The following MYRIP variants were observed in gnomAD, a reference collection of about 807,000 sequenced individuals.
The protein encoded by MYRIP is rab effector MyRIP.
A neutral mutation model predicts 98.0 loss-of-function variants in MYRIP; 49 were observed. The observed-to-expected ratio is 0.50, with a 90% CI of 0.40 to 0.63. The LOEUF (loss-of-function observed/expected upper bound fraction) is 0.63, where lower values mean the gene tolerates loss of function less well. MYRIP is among the 30% of genes least tolerant of loss of function. The pLI is 0.00. For missense variants in MYRIP, 1,004 were observed against 1,058.2 expected (o/e 0.95, Z 0.71); for synonymous variants, 404 against 409.5 (o/e 0.99, Z 0.16).
intron 2 of MYRIP, among the ~76,000 whole-genome samples, chr3:39,916,657 C>G (rs1330082233): frequency 3.9e-5 from 6 of 152,012 alleles, no homozygotes; most frequent in Non-Finnish European, 8.8e-5. Context: ...CCAAAGCATA[C>G]CATTTCAAAC....
At chr3:40,161,777 A>G (rs986298885) in intron 4 of MYRIP, among the ~76,000 whole-genome samples, 6 of 151,888 alleles carry the variant, frequency 4.0e-5, no homozygotes, top group African/African-American at 1.5e-4. Flanking sequence ...TCCTCACTCT[A>G]CACTCACCTC....
At chr3:40,240,361 T>C (rs1452563415) in intron 12 of MYRIP, among the ~76,000 whole-genome samples, 1 of 152,222 alleles carries the variant, frequency 6.6e-6, no homozygotes, top group Non-Finnish European at 1.5e-5. Context: ...GGGTGATTTC[T>C]GCATTTCCGT....
At chr3:40,211,314 A>G (rs986333362) in intron 11 of MYRIP, among the ~76,000 whole-genome samples, 1 of 152,218 alleles carries the variant, frequency 6.6e-6, no homozygotes, top group Admixed American at 6.5e-5. Flanking sequence ...ATGCACATGC[A>G]TGAGTGAAGG....
intron 3 of MYRIP, among the ~76,000 whole-genome samples, chr3:40,048,533 C>T (rs545621438): frequency 6.6e-6 from 1 of 151,998 alleles, no homozygotes; most frequent in Non-Finnish European, 1.5e-5. Flanking sequence ...ATGAGAGAGT[C>T]GGATTAGAAA....
intron 1 of MYRIP, among the ~76,000 whole-genome samples, chr3:39,850,423 A>T (rs183860799): frequency 2.6e-5 from 4 of 152,350 alleles, no homozygotes; most frequent in Admixed American, 6.5e-5. Flanking sequence ...ACCATTTGTG[A>T]CTAGGAGAAC....
intron 12 of MYRIP, 112 bp from the exon 13 acceptor site, chr3:40,244,334 C>G: frequency 1.2e-6 from 1 of 861,974 alleles, no homozygotes; most frequent in South Asian, 2.5e-5. Context: ...ATCCCCCCTG[C>G]AATGTGAAGT....
intron 1 of MYRIP, among the ~76,000 whole-genome samples, chr3:39,827,878 G>GT (rs138698516): frequency 0.29 from 44,540 of 151,034 alleles, 6,751 homozygotes; most frequent in South Asian, 0.36. Flanking sequence ...TTGATTGGCA[G>GT]TTTTTTTTTC....
At chr3:39,823,557 A>T (rs1307845754) in intron 1 of MYRIP, among the ~76,000 whole-genome samples, 3 of 152,210 alleles carry the variant, frequency 2.0e-5, no homozygotes, top group Admixed American at 6.5e-5. Context: ...TAACTGGGGT[A>T]AGATGAAGAC....
intron 11 of MYRIP, among the ~76,000 whole-genome samples, chr3:40,218,612 T>TTTATATATA (rs1337574787): frequency 8.1e-4 from 11 of 13,552 alleles, no homozygotes; most frequent in East Asian, 0.011. Flanking sequence ...TATATATATT[T>TTTATATATA]TATATATATA....
intron 2 of MYRIP, among the ~76,000 whole-genome samples, chr3:39,906,303 G>T (rs1001293860): frequency 2.0e-5 from 3 of 152,040 alleles, no homozygotes; most frequent in African/African-American, 7.2e-5. Flanking sequence ...CATGATATGG[G>T]CTGTGTTCTT....
At chr3:39,875,143 T>G (rs1274538523) in intron 1 of MYRIP, among the ~76,000 whole-genome samples, 1 of 152,218 alleles carries the variant, frequency 6.6e-6, no homozygotes, top group South Asian at 2.1e-4. Flanking sequence ...GTGTTTGTAG[T>G]ATTCTCTGAT....
At chr3:40,209,011 C>T (rs932655424) in intron 10 of MYRIP, 2 of 152,274 alleles carry the variant, frequency 1.3e-5, no homozygotes, top group African/African-American at 4.8e-5. Context: ...TTGGGCTGCG[C>T]ATGGTGGCAT....
intron 2 of MYRIP, among the ~76,000 whole-genome samples, chr3:40,005,196 G>C (rs1053379747): frequency 5.3e-5 from 8 of 152,194 alleles, no homozygotes; most frequent in African/African-American, 1.9e-4. Context: ...TGGGCACCTA[G>C]ATTGATTGCT....
At chr3:40,118,602 C>CT (rs1011791936) in intron 3 of MYRIP, among the ~76,000 whole-genome samples, 8 of 143,928 alleles carry the variant, frequency 5.6e-5, no homozygotes, top group East Asian at 2.0e-4. Flanking sequence ...TTTTTCTTTT[C>CT]TTTTTTTTTA....
intron 1 of MYRIP, among the ~76,000 whole-genome samples, chr3:39,847,244 C>A (rs770795590): frequency 3.3e-5 from 5 of 152,136 alleles, no homozygotes; most frequent in Non-Finnish European, 5.9e-5. Flanking sequence ...ACTCACTAAC[C>A]CTTTCCCCAG....
intron 2 of MYRIP, among the ~76,000 whole-genome samples, chr3:39,932,511 C>T (rs1037449640): frequency 7.9e-5 from 12 of 152,132 alleles, no homozygotes; most frequent in Non-Finnish European, 1.6e-4. Flanking sequence ...CAGGTGTCCG[C>T]CACCATGCCC....
chr3:40,194,816 T>C (rs1004576471), intron 10 of MYRIP, among the ~76,000 whole-genome samples: 15 of 152,230 alleles, frequency 9.9e-5, no homozygotes, highest in African/African-American at 3.6e-4. Flanking sequence ...TGTGTTGATA[T>C]TGTAAATGAG....
intron 4 of MYRIP, 48 bp from the exon 5 acceptor site, chr3:40,162,682 A>G (rs1308239790): frequency 6.5e-7 from 1 of 1,534,546 alleles, no homozygotes; most frequent in Admixed American, 1.7e-5. Context: ...TTCACTGAAG[A>G]CCTTTGATAA....
intron 1 of MYRIP, among the ~76,000 whole-genome samples, chr3:39,863,759 A>C (rs1323534649): frequency 1.3e-5 from 2 of 150,640 alleles, no homozygotes; most frequent in African/African-American, 4.8e-5. Context: ...TACTATTCCA[A>C]AAAATTGAGG....
Sources: allele counts gnomAD v4.1 joint callset (sites outside exome capture counted in the v4.1 genomes callset), GRCh38; gene constraint gnomAD v4.1.1; transcripts MANE v1.5; gene names NCBI Gene and HGNC (gene_info 2026-07-23, HGNC 2026-07-21).